The following SPG11 variants were observed in gnomAD, a reference collection of about 807,000 sequenced individuals.
The protein encoded by SPG11 is SPG11 vesicle trafficking associated, spatacsin.
A neutral mutation model predicts 274.0 loss-of-function variants in SPG11; 222 were observed. The ratio of observed to expected loss-of-function variants is 0.81; its 90% CI spans 0.73 to 0.91. SPG11 has a LOEUF of 0.91. Among genes scored for constraint, SPG11 ranks in the 40% least tolerant of loss-of-function variants. The pLI, the probability that SPG11 is intolerant of heterozygous loss-of-function variation, is 0.00. For synonymous variants in SPG11, 1,144 were observed against 1,039.7 expected, an observed-to-expected ratio of 1.10 and a Z score of -1.93; for missense variants, 3,114 against 2,872.7, an observed-to-expected ratio of 1.08 and a Z score of -1.92.
At chr15:44,595,937 G>A in intron 25 of SPG11, 146 bp downstream of exon 25, 2 of 1,089,950 alleles carry the variant, frequency 1.8e-6, no homozygotes, top group African/African-American at 1.6e-5. Flanking sequence ...AGCTAGAGAA[G>A]CACAAAATGT....
At position 44,628,676 on chromosome 15, in the gene SPG11, C is replaced by G; in HGVS notation, c.2060G>C (p.Ser687Thr). ...ATGATTATTCGTACTTACCTCAAAG[C>G]TGAGTTTCTTCCATATATTGCTCTC... ...VKESNIWKKL[S>T]FEEVIASAIL... The change falls in exon 10 of 40, where the codon AGC becomes ACC. Residue 687 changes from serine (S) to threonine (T), a missense_variant. Physicochemically the swap from Ser to Thr is moderately conservative, Grantham distance 58. Transcript: ENST00000261866. 1.9e-6 allele frequency: 3 copies of G among 1,613,320 alleles called. No homozygotes were observed. Among genetic ancestry groups the G allele is most frequent in the Non-Finnish European group, 2.5e-6 (3 of 1,179,740 alleles).
chr15:44,660,560 A>G lies in SPG11; in HGVS notation c.314T>C (p.Leu105Pro), dbSNP rs2085075126. The change falls in exon 2 of 40, where the codon CTC becomes CCC. Residue 105 changes from leucine to proline, a missense_variant. Leu to Pro is a moderately conservative substitution (Grantham distance 98). Coordinates refer to ENST00000261866, the MANE Select transcript of SPG11 (RefSeq NM_025137.4). ...SSTPTEKPKL[L>P]ALGENYELLI... The stretch of plus-strand genomic sequence containing the variant: ...CAGTTCATAATTTTCACCAAGAGCG[A>G]GCAGTTTGGGCTTTTCAGTTGGTGT... 6.2e-7 allele frequency: 1 copy of G among 1,614,046 alleles called. No homozygotes were observed. Among genetic ancestry groups the G allele is most frequent in the African/African-American group, 1.3e-5 (1 of 74,924 alleles).
chr15:44,590,850 T>C (rs1414162015), intron 27 of SPG11: 1 of 152,354 alleles, frequency 6.6e-6, no homozygotes, highest in East Asian at 1.9e-4. Context: ...GAATACTTCC[T>C]GTATACTTCT....
intron 4 of SPG11, among the ~76,000 whole-genome samples, chr15:44,653,230 G>A (rs1019227049): frequency 6.6e-6 from 1 of 152,134 alleles, no homozygotes; most frequent in African/African-American, 2.4e-5. Flanking sequence ...AAAGCAATAT[G>A]AACAGATGCA....
At chr15:44,565,792 T>G in intron 38 of SPG11, 62 bp downstream of exon 38, 1 of 1,602,724 alleles carries the variant, frequency 6.2e-7, no homozygotes, top group South Asian at 1.1e-5. Flanking sequence ...CTGGGTTCCA[T>G]GAGTGGGACA....
At chr15:44,582,784 A>G (rs1268884355) in intron 30 of SPG11, among the ~76,000 whole-genome samples, 1 of 152,320 alleles carries the variant, frequency 6.6e-6, no homozygotes, top group African/African-American at 2.4e-5. Context: ...ACATGATCAG[A>G]TTAACAGATA....
At chr15:44,578,027 T>TC (rs1481435694) in intron 30 of SPG11, among the ~76,000 whole-genome samples, 1 of 143,556 alleles carries the variant, frequency 7.0e-6, no homozygotes, top group East Asian at 2.0e-4. Flanking sequence ...TCCTTTTTTT[T>TC]TTTTTTTTTT....
chr15:44,591,810 A>T (rs916338522), intron 27 of SPG11, among the ~76,000 whole-genome samples: 17 of 151,886 alleles, frequency 1.1e-4, no homozygotes, highest in Non-Finnish European at 2.1e-4. Flanking sequence ...TCTTCTCTAT[A>T]AAAAAAATAT....
chr15:44,577,517 A>C (rs1246635842), intron 30 of SPG11, among the ~76,000 whole-genome samples: 5 of 151,100 alleles, frequency 3.3e-5, no homozygotes, highest in Non-Finnish European at 7.4e-5. Context: ...AAAAAAAAAA[A>C]AACAAAACAA....
chr15:44,620,866 T>C (rs554576520), intron 14 of SPG11: 2 of 159,782 alleles, frequency 1.3e-5, no homozygotes, highest in South Asian at 3.5e-4. Flanking sequence ...ACCCAGCTAA[T>C]TGTTGTATTT....
At chr15:44,660,030 C>T (rs538274750) in intron 2 of SPG11, among the ~76,000 whole-genome samples, 2 of 152,076 alleles carry the variant, frequency 1.3e-5, no homozygotes, top group Non-Finnish European at 2.9e-5. Flanking sequence ...CACTGCACTC[C>T]AGCCTGGGTG....
At chr15:44,617,832 C>T (rs1323256084) in intron 15 of SPG11, among the ~76,000 whole-genome samples, 7 of 152,110 alleles carry the variant, frequency 4.6e-5, no homozygotes, top group African/African-American at 1.4e-4. Flanking sequence ...AGTGCCACCA[C>T]GCCCAGCTAA....
At position 44,645,871 on chromosome 15, in the gene SPG11, A is replaced by G. The variant is rs567937738; in HGVS notation, c.1602+2995T>C. 7.8e-4 allele frequency among the ~76,000 whole-genome samples: 119 copies of G among 152,338 alleles called. 1 individual carries two copies. Among genetic ancestry groups the G allele is most frequent in the African/African-American group, 2.7e-3 (111 of 41,594 alleles). On this transcript the variant is annotated intron_variant, in intron 7 of 39. Coordinates refer to ENST00000261866, the MANE Select transcript of SPG11 (RefSeq NM_025137.4). ...AGACATACACATAACCAATAAGCAT[A>G]TGAAAAAATGCTCAATATCACTTAA... is the stretch of plus-strand genomic sequence containing the variant.
rs1290251374 is a variant in SPG11 at position 44,610,870 on chromosome 15, A to C, written c.3261T>G (p.Thr1087=). Residue 1087 remains threonine, a synonymous_variant, in exon 18 of 40, where the codon ACT becomes ACG. Transcript: ENST00000261866. The part of the protein sequence containing the change: ...LEGHTLLALA[T]TMYSPGGVSQ... ...TGACACCCCCAGGAGAATACATTGTAGTAGCAAGGGCCAGGAGGGTATGTC... is the reference window on the plus strand; with the variant it reads ...TGACACCCCCAGGAGAATACATTGTCGTAGCAAGGGCCAGGAGGGTATGTC... 12 of 1,614,054 alleles carry C rather than the reference A, an allele frequency of 7.4e-6. No individual in the cohort carries two copies. The highest frequency in any genetic ancestry group is 1.0e-5 in the Non-Finnish European group (12 of 1,179,972).
At chr15:44,634,102 G>T (rs2084166346) in intron 7 of SPG11, among the ~76,000 whole-genome samples, 1 of 152,042 alleles carries the variant, frequency 6.6e-6, no homozygotes, top group Non-Finnish European at 1.5e-5. Flanking sequence ...GCCTCCCAAA[G>T]TGCTGGGATT....
intron 35 of SPG11, 25 bp from the exon 36 acceptor site, chr15:44,567,617 C>G (rs2082337477): frequency 6.2e-7 from 1 of 1,613,556 alleles, no homozygotes; most frequent in East Asian, 2.2e-5. Flanking sequence ...AGGGAAAAAG[C>G]AAGGTGTCAG....
In SPG11 at chr15:44,659,920, G is replaced by A. The variant is rs183103552; in HGVS notation, c.442+512C>T. Among the ~76,000 whole-genome samples the A allele has an allele frequency of 5.6e-3, 851 of 152,300 alleles. 3 individuals carry two copies. Among genetic ancestry groups the A allele is most frequent in the Admixed American group, 9.6e-3 (147 of 15,294 alleles). On this transcript the variant is annotated intron_variant, in intron 2 of 39. Transcript: ENST00000261866. ...TACTAAAAATATAAAAGTTAGCTGG[G>A]CGTGGCGGCGGGCGCCTGTAGTCTA...
Position 44,574,025 on chromosome 15 carries a change from CAG to C in SPG11, c.6007-282_6007-281del, listed in dbSNP as rs141674769. 0.04 allele frequency among the ~76,000 whole-genome samples: 6,161 copies of C among 152,256 alleles called. 313 individuals carry two copies. Among genetic ancestry groups the C allele is most frequent in the East Asian group, 0.18 (955 of 5,174 alleles). ...TTGGCGGCAGGGTTGGGAGGGGTGG[CAG>C]AGTTTCACTCTTGTTGCCCAGGCTG... On this transcript the variant is annotated intron_variant, in intron 31 of 39. Coordinates refer to ENST00000261866, the MANE Select transcript of SPG11 (RefSeq NM_025137.4).
Position 44,626,361 on chromosome 15 carries a change from T to G in SPG11, c.2214A>C (p.Ile738=). The G allele has an allele frequency of 1.2e-6, 2 of 1,613,212 alleles. No homozygotes were observed. The change falls in exon 11 of 40, where the codon ATA becomes ATC. Residue 738 remains isoleucine, a synonymous_variant. Coordinates refer to ENST00000261866, the MANE Select transcript of SPG11 (RefSeq NM_025137.4). The part of the protein sequence containing the change: ...LVFDNLKKNN[I]KEASELLKNM... ...TCTTCAAAAGTTCAGAGGCTTCCTTTATATTGTTCTTTTTTAAATTGTCAA... is the reference window on the plus strand; with the variant it reads ...TCTTCAAAAGTTCAGAGGCTTCCTTGATATTGTTCTTTTTTAAATTGTCAA...
Sources: allele counts gnomAD v4.1 joint callset (sites outside exome capture counted in the v4.1 genomes callset), GRCh38; gene constraint gnomAD v4.1.1; transcripts MANE v1.5; gene names NCBI Gene and HGNC (gene_info 2026-07-23, HGNC 2026-07-21).